The following DRC8 variants were observed in gnomAD, a reference collection of about 807,000 sequenced individuals.
DRC8 encodes the protein dynein regulatory complex subunit 8, also known as dynein regulatory complex protein 8.
the DRC8 span, among the ~76,000 whole-genome samples, chr1:244,980,040 T>TAAAAAAAAAAAAAAAAAA: frequency 3.7e-4 from 13 of 34,730 alleles, no homozygotes; most frequent in South Asian, 1.3e-3. Context: ...CCGTCTCTAC[T>TAAAAAAAAAAAAAAAAAA]AAAAAAAAAA....
chr1:245,051,620 C>T, the DRC8 span, among the ~76,000 whole-genome samples: 476 of 151,976 alleles, frequency 3.1e-3, 3 homozygotes, highest in Middle Eastern at 0.01. Context: ...ATGAAGCTGG[C>T]GGTTACAAGA....
the DRC8 span, among the ~76,000 whole-genome samples, chr1:245,080,920 T>A: frequency 3.3e-5 from 5 of 152,142 alleles, no homozygotes; most frequent in African/African-American, 1.2e-4. Context: ...CTGCTCCTTG[T>A]ACTCCAGCCT....
the DRC8 span, among the ~76,000 whole-genome samples, chr1:245,070,050 A>G: frequency 6.6e-6 from 1 of 152,158 alleles, no homozygotes; most frequent in Non-Finnish European, 1.5e-5. Context: ...GTCTCTAAAT[A>G]AAAAATAAAC....
the DRC8 span, among the ~76,000 whole-genome samples, chr1:245,007,297 A>T: frequency 6.6e-6 from 1 of 152,228 alleles, no homozygotes. Flanking sequence ...CAAAGAGAAC[A>T]AAATAATATG....
chr1:245,106,916 T>C, the DRC8 span, among the ~76,000 whole-genome samples: 6 of 151,966 alleles, frequency 3.9e-5, no homozygotes, highest in Non-Finnish European at 8.8e-5. Context: ...TGGTGGCGGG[T>C]GCCTGTAATC....
the DRC8 span, among the ~76,000 whole-genome samples, chr1:245,066,028 G>A: frequency 6.6e-6 from 1 of 151,806 alleles, no homozygotes; most frequent in African/African-American, 2.4e-5. Context: ...AGCAACCAAT[G>A]CTTTTTGAGG....
the DRC8 span, among the ~76,000 whole-genome samples, chr1:244,997,071 A>G: frequency 3.3e-5 from 5 of 152,370 alleles, no homozygotes; most frequent in South Asian, 1.0e-3. Context: ...TGTTTAGGGA[A>G]TAATGATAAG....
At chr1:245,113,885 G>A in the DRC8 span, among the ~76,000 whole-genome samples, 6 of 152,148 alleles carry the variant, frequency 3.9e-5, no homozygotes, top group African/African-American at 9.7e-5. Flanking sequence ...AAGTGATGAC[G>A]TGGGGCTCCC....
the DRC8 span, among the ~76,000 whole-genome samples, chr1:245,001,827 T>C: frequency 6.6e-6 from 1 of 152,228 alleles, no homozygotes; most frequent in Admixed American, 6.5e-5. Flanking sequence ...TTTTTTTCTC[T>C]TGGTTCTGCC....
chr1:245,031,274 C>G, the DRC8 span, among the ~76,000 whole-genome samples: 1 of 151,970 alleles, frequency 6.6e-6, no homozygotes, highest in Non-Finnish European at 1.5e-5. Flanking sequence ...ATTCTGTTTC[C>G]TCTCCTCCTG....
At chr1:245,058,850 C>T in the DRC8 span, among the ~76,000 whole-genome samples, 2 of 152,170 alleles carry the variant, frequency 1.3e-5, no homozygotes, top group Admixed American at 1.3e-4. Context: ...ATCCCCCTTC[C>T]TGGTTCTTAG....
At chr1:245,087,086 C>G in the DRC8 span, 5 of 1,066,942 alleles carry the variant, frequency 4.7e-6, no homozygotes, top group Admixed American at 1.4e-4. Flanking sequence ...TGTCTTTGAA[C>G]CTCTGGACTG....
chr1:245,052,847 T>G, the DRC8 span, among the ~76,000 whole-genome samples: 38 of 152,338 alleles, frequency 2.5e-4, no homozygotes, highest in Middle Eastern at 6.8e-3. Context: ...AGACTGTCTC[T>G]TTTCTTCCGT....
chr1:245,083,197 G>A, the DRC8 span, among the ~76,000 whole-genome samples: 53,138 of 151,938 alleles, frequency 0.35, 9,631 homozygotes, highest in Middle Eastern at 0.43. Context: ...ATAGGAATGC[G>A]AACCCTATTG....
the DRC8 span, among the ~76,000 whole-genome samples, chr1:245,019,037 C>T: frequency 5.9e-5 from 9 of 152,182 alleles, no homozygotes; most frequent in East Asian, 3.9e-4. Context: ...GAAAATCTCC[C>T]GATCACTGAC....
the DRC8 span, among the ~76,000 whole-genome samples, chr1:245,105,557 C>A: frequency 7.2e-6 from 1 of 138,368 alleles, no homozygotes; most frequent in Non-Finnish European, 1.5e-5. Flanking sequence ...CAGGACATGG[C>A]GGTTGCAGTG....
chr1:245,117,968 CAATA>C, the DRC8 span, among the ~76,000 whole-genome samples: 2 of 151,792 alleles, frequency 1.3e-5, no homozygotes, highest in Non-Finnish European at 2.9e-5. Context: ...ACTCTGTCTC[CAATA>C]AATAAATAAA....
At chr1:245,073,625 T>A in the DRC8 span, among the ~76,000 whole-genome samples, 1 of 151,946 alleles carries the variant, frequency 6.6e-6, no homozygotes, top group Non-Finnish European at 1.5e-5. Context: ...AAAAGACTAA[T>A]GGCTTGATAA....
At chr1:245,013,002 A>ACAT in the DRC8 span, among the ~76,000 whole-genome samples, 12 of 152,240 alleles carry the variant, frequency 7.9e-5, no homozygotes, top group Non-Finnish European at 4.4e-5. Context: ...AATCTCAATC[A>ACAT]CATAAAAGAT....
Sources: allele counts gnomAD v4.1 joint callset (sites outside exome capture counted in the v4.1 genomes callset), GRCh38; gene constraint gnomAD v4.1.1; transcripts MANE v1.5; gene names NCBI Gene and HGNC (gene_info 2026-07-23, HGNC 2026-07-21).